ASAP1: variants seen among roughly 807,000 people sequenced by gnomAD.
ASAP1 encodes ArfGAP with SH3 domain, ankyrin repeat and PH domain 1, also known as arf-GAP with SH3 domain, ANK repeat and PH domain-containing protein 1.
ASAP1 carries 43 observed loss-of-function variants against 145.2 expected under a neutral mutation model. The observed-to-expected ratio is 0.30, with a 90% CI of 0.23 to 0.38. The LOEUF (loss-of-function observed/expected upper bound fraction) is 0.38. Among genes scored for constraint, ASAP1 ranks in the 10% least tolerant of loss-of-function variants. The pLI, the probability that ASAP1 is intolerant of heterozygous loss-of-function variation, is 1.00. For synonymous variants in ASAP1, 546 were observed against 515.5 expected (o/e 1.06, Z -0.80); for missense variants, 1,018 against 1,355.3 (o/e 0.75, Z 3.91).
chr8:130,103,994 T>C (rs1176706702), intron 24 of ASAP1, among the ~76,000 whole-genome samples: 1 of 152,204 alleles, frequency 6.6e-6, no homozygotes, highest in African/African-American at 2.4e-5. Context: ...CTCTTATCTC[T>C]GAGCTTCCAG....
intron 25 of ASAP1, among the ~76,000 whole-genome samples, chr8:130,089,889 A>G (rs1040014888): frequency 8.5e-5 from 13 of 152,220 alleles, no homozygotes; most frequent in African/African-American, 2.2e-4. Flanking sequence ...TCAACAATCA[A>G]AAGTCCATGC....
chr8:130,420,692 G>A (rs185230918), intron 1 of ASAP1, among the ~76,000 whole-genome samples: 4 of 152,038 alleles, frequency 2.6e-5, no homozygotes, highest in East Asian at 1.9e-4. Context: ...TCAGGAGTTC[G>A]AGACTAGCCT....
chr8:130,297,094 T>C (rs575910801), intron 3 of ASAP1, among the ~76,000 whole-genome samples: 1 of 152,338 alleles, frequency 6.6e-6, no homozygotes, highest in East Asian at 1.9e-4. Flanking sequence ...TTTGGGAAAC[T>C]GTAGTAAAAG....
chr8:130,258,785 G>A (rs1196994709), intron 3 of ASAP1, among the ~76,000 whole-genome samples: 1 of 152,122 alleles, frequency 6.6e-6, no homozygotes, highest in Non-Finnish European at 1.5e-5. Context: ...TACTCCAAAT[G>A]GAATGGTTTT....
intron 1 of ASAP1, among the ~76,000 whole-genome samples, chr8:130,417,943 T>C (rs1829556074): frequency 6.6e-6 from 1 of 152,180 alleles, no homozygotes; most frequent in Admixed American, 6.5e-5. Flanking sequence ...CTAATTTCTG[T>C]GGCCAGGGGC....
intron 3 of ASAP1, among the ~76,000 whole-genome samples, chr8:130,342,881 A>G (rs1414155439): frequency 6.6e-6 from 1 of 152,068 alleles, no homozygotes; most frequent in African/African-American, 2.4e-5. Context: ...CCCTCTCTCC[A>G]AGATACTTCC....
At chr8:130,120,103 A>C (rs2097563282) in intron 18 of ASAP1, among the ~76,000 whole-genome samples, 1 of 152,170 alleles carries the variant, frequency 6.6e-6, no homozygotes, top group Admixed American at 6.5e-5. Flanking sequence ...AACCCTGTGC[A>C]GTTGAGAAGA....
intron 3 of ASAP1, among the ~76,000 whole-genome samples, chr8:130,290,952 A>C (rs1821908997): frequency 6.6e-6 from 1 of 152,210 alleles, no homozygotes; most frequent in Non-Finnish European, 1.5e-5. Context: ...GAAGACCTTC[A>C]CAAGTAGGAG....
chr8:130,318,037 T>C (rs1355382593), intron 3 of ASAP1, among the ~76,000 whole-genome samples: 1 of 152,202 alleles, frequency 6.6e-6, no homozygotes, highest in Non-Finnish European at 1.5e-5. Flanking sequence ...AGAGTTTTTA[T>C]GACAAGACAA....
At chr8:130,127,029 A>G (rs1415405192) in intron 16 of ASAP1, among the ~76,000 whole-genome samples, 2 of 152,214 alleles carry the variant, frequency 1.3e-5, no homozygotes, top group African/African-American at 4.8e-5. Context: ...CAAAACACCT[A>G]GCATGATTCT....
At chr8:130,299,076 G>C (rs1458787973) in intron 3 of ASAP1, among the ~76,000 whole-genome samples, 1 of 152,132 alleles carries the variant, frequency 6.6e-6, no homozygotes, top group Non-Finnish European at 1.5e-5. Flanking sequence ...GGGTAAAGAA[G>C]ACAAGCTAAA....
intron 2 of ASAP1, among the ~76,000 whole-genome samples, chr8:130,380,429 A>C (rs569264166): frequency 1.3e-5 from 2 of 152,244 alleles, no homozygotes; most frequent in South Asian, 2.1e-4. Flanking sequence ...AGAAACCCTC[A>C]GGAGCAGCAG....
At chr8:130,371,281 G>A (rs1380199561) in intron 2 of ASAP1, among the ~76,000 whole-genome samples, 1 of 152,224 alleles carries the variant, frequency 6.6e-6, no homozygotes, top group Non-Finnish European at 1.5e-5. Context: ...GTGCTGAAAT[G>A]AGTAAGTGGT....
intron 15 of ASAP1, among the ~76,000 whole-genome samples, chr8:130,131,655 T>C (rs909429851): frequency 2.8e-5 from 4 of 141,528 alleles, no homozygotes; most frequent in Non-Finnish European, 4.5e-5. Flanking sequence ...CTGGGCGTGG[T>C]GATGCGTGCT....
intron 15 of ASAP1, among the ~76,000 whole-genome samples, chr8:130,133,757 G>A (rs13253189): frequency 0.16 from 24,445 of 151,382 alleles, 2,221 homozygotes; most frequent in African/African-American, 0.23. Context: ...ACTATATCAC[G>A]CTCCCTTTTA....
At chr8:130,387,570 A>G (rs1163623608) in intron 2 of ASAP1, among the ~76,000 whole-genome samples, 1 of 151,290 alleles carries the variant, frequency 6.6e-6, no homozygotes, top group Non-Finnish European at 1.5e-5. Flanking sequence ...GGTCCCAACC[A>G]ATTTTTTAAC....
chr8:130,062,105 C>G (rs1592714796), intron 27 of ASAP1, among the ~76,000 whole-genome samples: 2 of 152,324 alleles, frequency 1.3e-5, no homozygotes, highest in South Asian at 4.1e-4. Context: ...GTACTACCAT[C>G]ACTGTTAGGG....
At chr8:130,371,777 C>CTA (rs2138291736) in intron 2 of ASAP1, among the ~76,000 whole-genome samples, 1 of 152,322 alleles carries the variant, frequency 6.6e-6, no homozygotes, top group African/African-American at 2.4e-5. Flanking sequence ...GAGGCACTGA[C>CTA]TAGCTTTGAA....
At chr8:130,228,225 G>C (rs907463068) in intron 4 of ASAP1, among the ~76,000 whole-genome samples, 5 of 152,068 alleles carry the variant, frequency 3.3e-5, no homozygotes, top group Admixed American at 2.6e-4. Context: ...CTCTACCTAG[G>C]AGCATCCTAG....
Sources: allele counts gnomAD v4.1 joint callset (sites outside exome capture counted in the v4.1 genomes callset), GRCh38; gene constraint gnomAD v4.1.1; transcripts MANE v1.5; gene names NCBI Gene and HGNC (gene_info 2026-07-23, HGNC 2026-07-21).